The following CTNNA2 variants were observed in gnomAD, a reference collection of about 807,000 sequenced individuals.
CTNNA2 encodes the protein catenin alpha 2, also known as catenin alpha-2.
In CTNNA2, 42 loss-of-function variants were observed where a neutral mutation model predicts 101.0. The observed-to-expected ratio is 0.42, with a 90% CI of 0.32 to 0.54. The LOEUF (loss-of-function observed/expected upper bound fraction) is 0.54, where lower values mean the gene tolerates loss of function less well. CTNNA2 is among the 20% of genes least tolerant of loss of function. CTNNA2 has a pLI of 0.14. For missense variants in CTNNA2, 871 were observed against 1,223.1 expected, an observed-to-expected ratio of 0.71 and a Z score of 4.29; for synonymous variants, 450 against 456.4, an observed-to-expected ratio of 0.99 and a Z score of 0.18.
intron 2 of CTNNA2, among the ~76,000 whole-genome samples, chr2:79,214,583 T>C (rs1383261059): frequency 6.6e-6 from 1 of 151,566 alleles, no homozygotes; most frequent in Non-Finnish European, 1.5e-5. Flanking sequence ...GGGGTAAGGG[T>C]GATTAGGTTT....
intron 7 of CTNNA2, among the ~76,000 whole-genome samples, chr2:80,270,992 C>T (rs901695557): frequency 6.6e-6 from 1 of 152,048 alleles, no homozygotes; most frequent in African/African-American, 2.4e-5. Context: ...TATCTTTGAT[C>T]ATATAAGGTC....
At chr2:79,189,189 A>G (rs921688416) in intron 1 of CTNNA2, among the ~76,000 whole-genome samples, 3 of 152,230 alleles carry the variant, frequency 2.0e-5, no homozygotes, top group African/African-American at 7.2e-5. Context: ...AACACAGTGC[A>G]CACAAAAAGA....
chr2:80,341,962 A>G (rs576050784), intron 7 of CTNNA2, among the ~76,000 whole-genome samples: 1 of 152,362 alleles, frequency 6.6e-6, no homozygotes, highest in South Asian at 2.1e-4. Flanking sequence ...GCATGCTACA[A>G]CATAGACGAA....
At chr2:80,270,554 A>G (rs1231473084) in intron 7 of CTNNA2, among the ~76,000 whole-genome samples, 2 of 152,232 alleles carry the variant, frequency 1.3e-5, no homozygotes, top group Admixed American at 6.5e-5. Flanking sequence ...CAATTCAGTG[A>G]AAGTTTACCT....
chr2:79,540,027 C>A (rs78159219), intron 1 of CTNNA2, among the ~76,000 whole-genome samples: 18,986 of 152,212 alleles, frequency 0.12, 1,485 homozygotes, highest in Middle Eastern at 0.27. Context: ...AAATTCCTTT[C>A]TGTCCCACCA....
chr2:80,083,509 G>A (rs529864506), intron 7 of CTNNA2, among the ~76,000 whole-genome samples: 1 of 152,092 alleles, frequency 6.6e-6, no homozygotes, highest in Admixed American at 6.5e-5. Context: ...GGTATTCTAC[G>A]CATCTCCAGT....
At chr2:80,093,668 T>C (rs1051503412) in intron 7 of CTNNA2, among the ~76,000 whole-genome samples, 35 of 147,172 alleles carry the variant, frequency 2.4e-4, no homozygotes, top group Non-Finnish European at 1.5e-5. Flanking sequence ...CAGCACCTGT[T>C]TTTTCCTGAC....
At chr2:79,919,486 A>G (rs968151818) in intron 7 of CTNNA2, among the ~76,000 whole-genome samples, 4 of 152,208 alleles carry the variant, frequency 2.6e-5, no homozygotes, top group African/African-American at 9.7e-5. Flanking sequence ...GAGAGAGGAA[A>G]GGGCTTTCTC....
intron 3 of CTNNA2, among the ~76,000 whole-genome samples, chr2:79,749,496 T>C (rs1043474394): frequency 2.6e-5 from 4 of 152,204 alleles, no homozygotes; most frequent in Admixed American, 1.3e-4. Context: ...ACTAAAGTCA[T>C]GTGATATATG....
intron 12 of CTNNA2, among the ~76,000 whole-genome samples, chr2:80,560,011 T>A (rs1693425138): frequency 7.0e-6 from 1 of 143,540 alleles, no homozygotes; most frequent in Admixed American, 7.3e-5. Context: ...AAAAGATCTG[T>A]GAGATTCTGC....
chr2:80,106,184 A>G (rs1700879358), intron 7 of CTNNA2, among the ~76,000 whole-genome samples: 1 of 152,134 alleles, frequency 6.6e-6, no homozygotes, highest in Non-Finnish European at 1.5e-5. Context: ...TCGTGCCTCT[A>G]CACACGTCAA....
chr2:80,115,316 G>C (rs1287318235), intron 7 of CTNNA2, among the ~76,000 whole-genome samples: 1 of 152,204 alleles, frequency 6.6e-6, no homozygotes, highest in African/African-American at 2.4e-5. Context: ...TGTATGCTGT[G>C]AGACTATTTT....
intron 7 of CTNNA2, among the ~76,000 whole-genome samples, chr2:80,244,267 G>T (rs541322394): frequency 2.0e-5 from 3 of 152,232 alleles, no homozygotes; most frequent in Non-Finnish European, 4.4e-5. Context: ...TCCAGTACAT[G>T]TTATTTGTAG....
chr2:79,696,403 C>G (rs544612814), intron 2 of CTNNA2, among the ~76,000 whole-genome samples: 13 of 152,126 alleles, frequency 8.5e-5, no homozygotes, highest in South Asian at 8.3e-4. Flanking sequence ...CTGCAACAGC[C>G]AGAAGACTCT....
chr2:80,534,183 C>T (rs578117946), intron 9 of CTNNA2, among the ~76,000 whole-genome samples: 6 of 152,088 alleles, frequency 3.9e-5, no homozygotes, highest in Non-Finnish European at 7.4e-5. Flanking sequence ...CTCTTCATCC[C>T]AGAAGAGCTC....
At position 80,648,561 on chromosome 2, in the gene CTNNA2, A is replaced by C. The variant is rs1443458724; in HGVS notation, c.*689A>C. The C allele has an allele frequency of 6.6e-6, 1 of 152,410 alleles. No homozygotes were observed. The highest frequency in any genetic ancestry group is 1.5e-5 in the Non-Finnish European group (1 of 67,992). 9.4% of individuals were successfully genotyped at this position (152,410 alleles called of 1,614,324 possible). The stretch of plus-strand genomic sequence containing the variant: ...ATTAAAATCCTTCTGGGGGCACTGG[A>C]AGCACAATACGGTGACCAATCTTGC... On this transcript the variant is annotated 3_prime_UTR_variant, in exon 19 of 19. Coordinates refer to ENST00000402739, the MANE Select transcript of CTNNA2 (RefSeq NM_001282597.3).
chr2:80,392,176 C>A (rs1325467530), intron 7 of CTNNA2, among the ~76,000 whole-genome samples: 3 of 152,052 alleles, frequency 2.0e-5, no homozygotes, highest in Non-Finnish European at 4.4e-5. Flanking sequence ...ATCATGTTAT[C>A]CCATTAGGCA....
chr2:79,840,119 TATC>T (rs1236979403), intron 3 of CTNNA2, among the ~76,000 whole-genome samples: 23 of 152,258 alleles, frequency 1.5e-4, no homozygotes, highest in Admixed American at 1.4e-3. Flanking sequence ...GATAATAAGT[TATC>T]ATTATCAATT....
chr2:79,931,769 A>C (rs1687460395), intron 7 of CTNNA2, among the ~76,000 whole-genome samples: 1 of 152,092 alleles, frequency 6.6e-6, no homozygotes, highest in Admixed American at 6.6e-5. Flanking sequence ...ACAACCACAA[A>C]AATACAAGCA....
Sources: gnomAD v4.1 joint callset for allele counts (sites outside exome capture counted in the v4.1 genomes callset) on GRCh38, gnomAD v4.1.1 for gene constraint, MANE v1.5 for transcripts, NCBI Gene and HGNC (gene_info 2026-07-23, HGNC 2026-07-21) for gene names.